The following FOXN3 variants were observed in gnomAD, a reference collection of about 807,000 sequenced individuals.
FOXN3 encodes the protein forkhead box N3.
In FOXN3, 7 loss-of-function variants were observed where a neutral mutation model predicts 38.4. That is an observed-to-expected ratio of 0.18 (90% CI 0.10 to 0.34). FOXN3 has a LOEUF of 0.34. Ranked by LOEUF, FOXN3 falls within the 10% of genes least tolerant of loss-of-function variation. FOXN3 has a pLI of 1.00. For synonymous variants in FOXN3, 230 were observed against 242.2 expected (o/e 0.95, Z 0.47); for missense variants, 456 against 613.4 (o/e 0.74, Z 2.71).
At chr14:89,486,888 A>T (rs189921273) in intron 1 of FOXN3, among the ~76,000 whole-genome samples, 1 of 152,326 alleles carries the variant, frequency 6.6e-6, no homozygotes, top group Non-Finnish European at 1.5e-5. Flanking sequence ...GCATAAGAAG[A>T]TCCAGAAATT....
At chr14:89,225,173 T>A (rs539427123) in intron 4 of FOXN3, among the ~76,000 whole-genome samples, 57 of 148,130 alleles carry the variant, frequency 3.8e-4, no homozygotes, top group Non-Finnish European at 7.1e-4. Context: ...GGTGTGGGGA[T>A]GTGTGCCTAT....
At chr14:89,528,892 G>A (rs1205470090) in intron 1 of FOXN3, among the ~76,000 whole-genome samples, 1 of 152,114 alleles carries the variant, frequency 6.6e-6, no homozygotes, top group Non-Finnish European at 1.5e-5. Context: ...GATGACAAAT[G>A]GGAAGGAAGC....
At chr14:89,350,888 C>T in intron 2 of FOXN3, 80 bp from the exon 3 acceptor site, 1 of 1,067,794 alleles carries the variant, frequency 9.4e-7, no homozygotes, top group Non-Finnish European at 1.3e-6. Flanking sequence ...TAGCTATTAT[C>T]ACTTCTTTAT....
At chr14:89,319,210 C>T (rs571995765) in intron 3 of FOXN3, among the ~76,000 whole-genome samples, 20 of 152,142 alleles carry the variant, frequency 1.3e-4, no homozygotes, top group Non-Finnish European at 2.9e-4. Context: ...TGAGGGGTCA[C>T]CAAGACCACC....
At chr14:89,616,550 G>T (rs1452796033) in intron 1 of FOXN3, among the ~76,000 whole-genome samples, 2 of 95,886 alleles carry the variant, frequency 2.1e-5, no homozygotes, top group African/African-American at 8.3e-5. Context: ...ACACACAAAC[G>T]CAGCCTTCAA....
At chr14:89,454,835 T>C (rs1242493311) in intron 1 of FOXN3, among the ~76,000 whole-genome samples, 2 of 152,214 alleles carry the variant, frequency 1.3e-5, no homozygotes, top group African/African-American at 2.4e-5. Flanking sequence ...TCCATCTTCA[T>C]GTTGTTAATT....
chr14:89,335,075 TATCACACA>T lies in FOXN3; in HGVS notation c.680+15589_680+15596del, dbSNP rs1180609138. 8.9e-3 allele frequency among the ~76,000 whole-genome samples: 1,208 copies of T among 136,248 alleles called. 11 individuals are homozygous for T. Among genetic ancestry groups the T allele is most frequent in the East Asian group, 0.028 (134 of 4,810 alleles). The allele number at this position is 136,248 out of a possible 152,430, so 89.4% of individuals were successfully genotyped here. A position where few individuals can be genotyped will look rare whatever the true frequency, so the allele number is the denominator to read the frequency against. ...AAAGAGTAGAACTTAACTATTTTCA[TATCACACA>T]CACACACACACACACACACACACAC... On this transcript the variant is annotated intron_variant, in intron 3 of 5. Transcript: ENST00000557258.
chr14:89,226,477 T>C (rs934769769), intron 4 of FOXN3, among the ~76,000 whole-genome samples: 8 of 152,172 alleles, frequency 5.3e-5, no homozygotes, highest in African/African-American at 1.9e-4. Flanking sequence ...GGCCTCACTA[T>C]GTTACCCAGG....
At chr14:89,473,245 T>C (rs1477351295) in intron 1 of FOXN3, among the ~76,000 whole-genome samples, 1 of 151,898 alleles carries the variant, frequency 6.6e-6, no homozygotes, top group Admixed American at 6.6e-5. Flanking sequence ...AGGATGGGCT[T>C]GATCTCCTGA....
At chr14:89,615,828 C>T (rs993780474) in intron 1 of FOXN3, among the ~76,000 whole-genome samples, 6 of 152,160 alleles carry the variant, frequency 3.9e-5, no homozygotes, top group East Asian at 1.9e-4. Flanking sequence ...TATATTTCTA[C>T]GACATACATG....
intron 1 of FOXN3, among the ~76,000 whole-genome samples, chr14:89,515,013 GA>G: frequency 6.6e-6 from 1 of 151,882 alleles, no homozygotes; most frequent in East Asian, 1.9e-4. Flanking sequence ...TCCGCATCCG[GA>G]GTTCAAGCAA....
chr14:89,425,555 G>A (rs776180722), intron 1 of FOXN3, among the ~76,000 whole-genome samples: 8 of 150,630 alleles, frequency 5.3e-5, no homozygotes, highest in African/African-American at 9.8e-5. Context: ...TAATAGACAC[G>A]GGGTTGAGCA....
chr14:89,423,648 T>A (rs551596048), intron 1 of FOXN3, among the ~76,000 whole-genome samples: 4 of 152,250 alleles, frequency 2.6e-5, no homozygotes, highest in East Asian at 1.9e-4. Context: ...ACTATCCCCA[T>A]GAAAAGACGC....
At chr14:89,612,336 G>A (rs376345775) in intron 1 of FOXN3, among the ~76,000 whole-genome samples, 4 of 152,178 alleles carry the variant, frequency 2.6e-5, no homozygotes, top group African/African-American at 9.7e-5. Flanking sequence ...CACTTCCCCA[G>A]AAGTGTCAAG....
At chr14:89,241,285 G>A (rs138979870) in intron 4 of FOXN3, among the ~76,000 whole-genome samples, 64 of 152,206 alleles carry the variant, frequency 4.2e-4, no homozygotes, top group Admixed American at 5.2e-4. Flanking sequence ...AATATTACTT[G>A]GCCTGTAAAT....
chr14:89,319,455 C>G (rs756174001), intron 3 of FOXN3, among the ~76,000 whole-genome samples: 2 of 152,114 alleles, frequency 1.3e-5, no homozygotes, highest in Non-Finnish European at 2.9e-5. Context: ...AAGGGAAGAG[C>G]CTCAGAGCCT....
At position 89,160,070 on chromosome 14, in the gene FOXN3, C is replaced by T. The variant is rs908421983; in HGVS notation, c.*2344G>A. The T allele has an allele frequency of 6.6e-6, 1 of 152,194 alleles. No individual in the cohort carries two copies. The highest frequency in any genetic ancestry group is 2.4e-5 in the African/African-American group (1 of 41,410). The allele number at this position is 152,194 out of a possible 1,614,324, so 9.4% of individuals were successfully genotyped here. A position where few individuals can be genotyped will look rare whatever the true frequency, so the allele number is the denominator to read the frequency against. ...GGCTTGGCTTTGGCCCACAGCAGTC[C>T]CTTTTTTAAAAGTTAAGGTCATCTC... On this transcript the variant is annotated 3_prime_UTR_variant, in exon 6 of 6. Coordinates refer to ENST00000557258, the MANE Select transcript of FOXN3 (RefSeq NM_005197.4).
chr14:89,334,249 T>C (rs7160812), intron 3 of FOXN3, among the ~76,000 whole-genome samples: 27,093 of 151,288 alleles, frequency 0.18, 2,811 homozygotes, highest in South Asian at 0.3. Flanking sequence ...GGGTTGGGGT[T>C]GGGGAGTGAG....
chr14:89,194,927 T>C (rs1888060117), intron 4 of FOXN3, among the ~76,000 whole-genome samples: 1 of 152,228 alleles, frequency 6.6e-6, no homozygotes, highest in Admixed American at 6.5e-5. Context: ...AATAGCTTTA[T>C]ATGGAAAATA....
Sources: gnomAD v4.1 joint callset for allele counts (sites outside exome capture counted in the v4.1 genomes callset) on GRCh38, gnomAD v4.1.1 for gene constraint, MANE v1.5 for transcripts, NCBI Gene and HGNC (gene_info 2026-07-23, HGNC 2026-07-21) for gene names.